The following SEMA3D variants were observed in gnomAD, a reference collection of about 807,000 sequenced individuals.
SEMA3D encodes the protein semaphorin 3D.
SEMA3D carries 84 observed loss-of-function variants against 100.1 expected under a neutral mutation model. The ratio of observed to expected loss-of-function variants is 0.84; its 90% CI spans 0.70 to 1.01. SEMA3D has a LOEUF of 1.01. Among genes scored for constraint, SEMA3D ranks in the 50% least tolerant of loss-of-function variants. SEMA3D has a pLI of 0.00. For missense variants in SEMA3D, 875 were observed against 934.1 expected (o/e 0.94, Z 0.82); for synonymous variants, 312 against 320.7 (o/e 0.97, Z 0.29).
the SEMA3D span, among the ~76,000 whole-genome samples, chr7:85,198,535 C>G: frequency 3.3e-5 from 5 of 151,794 alleles, no homozygotes; most frequent in South Asian, 6.2e-4. Context: ...CCTTCTATCT[C>G]TACTGGGATA....
the SEMA3D span, among the ~76,000 whole-genome samples, chr7:85,193,573 CT>C: frequency 6.6e-6 from 1 of 152,254 alleles, no homozygotes; most frequent in Middle Eastern, 3.4e-3. Context: ...CAAAGCCAGC[CT>C]GCTTTAGCCT....
chr7:85,195,961 C>T, the SEMA3D span, among the ~76,000 whole-genome samples: 1 of 152,232 alleles, frequency 6.6e-6, no homozygotes, highest in Non-Finnish European at 1.5e-5. Flanking sequence ...TTACACAAAG[C>T]ATGATGAGTC....
chr7:85,061,436 G>T (rs1156695964), intron 8 of SEMA3D, among the ~76,000 whole-genome samples: 3 of 152,098 alleles, frequency 2.0e-5, no homozygotes, highest in Non-Finnish European at 2.9e-5. Flanking sequence ...CCCCCTAAGT[G>T]CTTCGGTGAT....
chr7:85,142,683 T>A (rs1790089587), intron 2 of SEMA3D: 1 of 983,154 alleles, frequency 1.0e-6, no homozygotes, highest in African/African-American at 1.7e-5. Context: ...CATTTTTTTT[T>A]TTTTTTTTTT....
chr7:85,080,408 T>C (rs1338845488), intron 5 of SEMA3D, among the ~76,000 whole-genome samples: 1 of 152,226 alleles, frequency 6.6e-6, no homozygotes, highest in Admixed American at 6.5e-5. Flanking sequence ...ATTTTATTTC[T>C]ATCACATTGA....
chr7:85,249,351 A>G, the SEMA3D span, among the ~76,000 whole-genome samples: 1 of 152,228 alleles, frequency 6.6e-6, no homozygotes, highest in East Asian at 1.9e-4. Context: ...GCCGAAGGAT[A>G]CCTGACAATT....
rs985863063 is a variant in SEMA3D, at chr7:85,068,101, A to C, written c.589+90T>G. On this transcript the variant is annotated intron_variant, in intron 7 of 18. Coordinates refer to ENST00000284136, the MANE Select transcript of SEMA3D (RefSeq NM_001384900.1). ...GCTTGTGGAAGATTAGTAAAAAATTACCTTTAACTCAATAGGAAAATGCGG... is the reference window on the plus strand; with the variant it reads ...GCTTGTGGAAGATTAGTAAAAAATTCCCTTTAACTCAATAGGAAAATGCGG... 6.6e-6 allele frequency: 5 copies of C among 760,212 alleles called. No homozygotes were observed. The East Asian group carries it at 1.3e-4, about 19-fold the overall frequency. 47.1% of individuals were successfully genotyped at this position (760,212 alleles called of 1,614,324 possible).
chr7:85,193,476 A>C, the SEMA3D span, among the ~76,000 whole-genome samples: 1 of 151,878 alleles, frequency 6.6e-6, no homozygotes, highest in Non-Finnish European at 1.5e-5. Context: ...TCGTTGGCAA[A>C]GCTACCTTCA....
chr7:85,022,544 T>C lies in SEMA3D; in HGVS notation c.1261A>G (p.Ile421Val). Residue 421 changes from isoleucine (I) to valine (V), a missense_variant, in exon 13 of 19, where the codon ATA becomes GTA. Physicochemically the swap from Ile to Val is conservative, Grantham distance 29. Coordinates refer to ENST00000284136, the MANE Select transcript of SEMA3D (RefSeq NM_001384900.1). ...RDFPDDVISF[I>V]KRHSVMYKSV... ...TTATACATCACAGAGTGCCGCTTTA[T>C]GAAACTGATGACATCATCTGGAAAA... 2 of 1,612,608 alleles carry C rather than the reference T, an allele frequency of 1.2e-6. No individual in the cohort carries two copies. The highest frequency in any genetic ancestry group is 1.7e-6 in the Non-Finnish European group (2 of 1,179,004).
At chr7:85,230,325 A>G in the SEMA3D span, among the ~76,000 whole-genome samples, 85 of 152,254 alleles carry the variant, frequency 5.6e-4, no homozygotes, top group African/African-American at 2.0e-3. Flanking sequence ...CAACTTTACC[A>G]ATATCCAACT....
intron 2 of SEMA3D, among the ~76,000 whole-genome samples, chr7:85,136,935 C>A (rs1201860580): frequency 6.6e-6 from 1 of 152,038 alleles, no homozygotes; most frequent in Non-Finnish European, 1.5e-5. Flanking sequence ...ATTAGCCACT[C>A]AGGGTCAGGG....
intron 1 of SEMA3D, among the ~76,000 whole-genome samples, chr7:85,173,338 T>C (rs1791137450): frequency 6.6e-6 from 1 of 152,118 alleles, no homozygotes; most frequent in South Asian, 2.1e-4. Context: ...TCAGCTTCTA[T>C]AACTGGCTGA....
chr7:85,056,912 T>TA (rs1432126745), intron 8 of SEMA3D, among the ~76,000 whole-genome samples: 2 of 148,512 alleles, frequency 1.3e-5, no homozygotes, highest in Admixed American at 6.8e-5. Context: ...TATATATATA[T>TA]ATGTATAGCA....
At position 85,072,996 on chromosome 7, in the gene SEMA3D, A is replaced by G. The variant is rs763509391; in HGVS notation, c.461T>C (p.Ile154Thr). Reference sequence around the variant, plus strand: ...GACTCCAAGATCAATATACCCACATATTGGATGAAATGCTCCAGTTCCACA... The same window carrying G: ...GACTCCAAGATCAATATACCCACATGTTGGATGAAATGCTCCAGTTCCACA... ...YVCGTGAFHP[I>T]CGYIDLGVYK... The change falls in exon 6 of 19, where the codon ATA (isoleucine) becomes ACA (threonine). Residue 154 changes from isoleucine to threonine, a missense_variant. Transcript: ENST00000284136. The G allele has an allele frequency of 1.9e-6, 3 of 1,610,900 alleles. No homozygotes were observed. The highest frequency in any genetic ancestry group is 2.5e-6 in the Non-Finnish European group (3 of 1,177,724).
intron 18 of SEMA3D, among the ~76,000 whole-genome samples, chr7:85,004,852 A>T (rs1789749997): frequency 6.6e-6 from 1 of 152,092 alleles, no homozygotes. Flanking sequence ...CAGTTGAAAT[A>T]TTACAGCAAA....
At chr7:85,041,085 T>C (rs1790849069) in intron 10 of SEMA3D, 1 of 172,300 alleles carries the variant, frequency 5.8e-6, no homozygotes, top group East Asian at 1.8e-4. Flanking sequence ...TTTGATGGAG[T>C]CTTGCTGTGT....
chr7:85,117,847 C>T (rs1789290052), intron 3 of SEMA3D, among the ~76,000 whole-genome samples: 2 of 150,400 alleles, frequency 1.3e-5, no homozygotes, highest in Non-Finnish European at 3.0e-5. Context: ...TATATAGATA[C>T]ATATACATAA....
intron 9 of SEMA3D, among the ~76,000 whole-genome samples, chr7:85,045,004 A>G (rs866566072): frequency 6.6e-6 from 1 of 152,108 alleles, no homozygotes; most frequent in African/African-American, 2.4e-5. Flanking sequence ...ATAAAATTGA[A>G]AAAAATTTTC....
At chr7:85,043,454 T>A (rs548893128) in intron 9 of SEMA3D, among the ~76,000 whole-genome samples, 1 of 152,304 alleles carries the variant, frequency 6.6e-6, no homozygotes, top group African/African-American at 2.4e-5. Context: ...TCATTAAAAA[T>A]GTTCTTTAAG....
Sources: gnomAD v4.1 joint callset for allele counts (sites outside exome capture counted in the v4.1 genomes callset) on GRCh38, gnomAD v4.1.1 for gene constraint, MANE v1.5 for transcripts, NCBI Gene and HGNC (gene_info 2026-07-23, HGNC 2026-07-21) for gene names.